USH2A: variants seen among roughly 807,000 people sequenced by gnomAD.
USH2A encodes the protein Usher syndrome 2A (autosomal recessive, mild).
A neutral mutation model predicts 538.9 loss-of-function variants in USH2A; 443 were observed. The observed-to-expected ratio is 0.82, with a 90% CI of 0.76 to 0.89. USH2A has a LOEUF of 0.89. Among genes scored for constraint, USH2A ranks in the 40% least tolerant of loss-of-function variants. The pLI is 0.00. For synonymous variants in USH2A, 2,413 were observed against 2,273.5 expected (o/e 1.06, Z -1.75); for missense variants, 6,633 against 6,324.8 (o/e 1.05, Z -1.65).
intron 3 of USH2A, among the ~76,000 whole-genome samples, chr1:216,413,573 T>C (rs2039528366): frequency 6.6e-6 from 1 of 152,102 alleles, no homozygotes; most frequent in East Asian, 1.9e-4. Flanking sequence ...CTTCATGAAC[T>C]GTGATTATGA....
intron 9 of USH2A, among the ~76,000 whole-genome samples, chr1:216,311,818 A>G (rs1312945301): frequency 1.3e-5 from 2 of 152,074 alleles, no homozygotes; most frequent in Non-Finnish European, 2.9e-5. Context: ...AATAATAATA[A>G]AGTATTCCTA....
chr1:216,051,176 C>A (rs907985944), intron 30 of USH2A, among the ~76,000 whole-genome samples: 1 of 152,150 alleles, frequency 6.6e-6, no homozygotes, highest in African/African-American at 2.4e-5. Context: ...TAAGCCTTAT[C>A]TTTCAGTGAT....
chr1:216,128,823 G>C (rs1216316259), intron 21 of USH2A, among the ~76,000 whole-genome samples: 2 of 151,866 alleles, frequency 1.3e-5, no homozygotes, highest in African/African-American at 4.8e-5. Context: ...ACACTATTTT[G>C]TTACCAAACA....
At chr1:216,269,130 G>A (rs888989246) in intron 11 of USH2A, among the ~76,000 whole-genome samples, 4 of 152,020 alleles carry the variant, frequency 2.6e-5, no homozygotes, top group African/African-American at 9.7e-5. Context: ...TAAAGGTGGT[G>A]CAGTTACCAA....
At chr1:216,235,506 A>G (rs1418359335) in intron 13 of USH2A, among the ~76,000 whole-genome samples, 1 of 152,186 alleles carries the variant, frequency 6.6e-6, no homozygotes, top group African/African-American at 2.4e-5. Flanking sequence ...CAAGTGGAAA[A>G]AAATGTATCA....
intron 12 of USH2A, among the ~76,000 whole-genome samples, chr1:216,247,882 A>G (rs2036083561): frequency 6.6e-6 from 1 of 152,138 alleles, no homozygotes; most frequent in Non-Finnish European, 1.5e-5. Context: ...TCTGCCATAA[A>G]TATATACAAT....
At chr1:215,903,990 T>C in intron 38 of USH2A, among the ~76,000 whole-genome samples, 1 of 152,110 alleles carries the variant, frequency 6.6e-6, no homozygotes, top group East Asian at 1.9e-4. Flanking sequence ...TCATAATTTA[T>C]TTGACATATA....
At position 216,199,978 on chromosome 1, in the gene USH2A, A is replaced by G. The variant is rs1233438184; in HGVS notation, c.3460T>C (p.Leu1154=). 6.2e-7 allele frequency: 1 copy of G among 1,614,026 alleles called. No homozygotes were observed. Among genetic ancestry groups the G allele is most frequent in the South Asian group, 1.1e-5 (1 of 91,072 alleles). The part of the protein sequence containing the change: ...KPGVPEGNLT[L]SYIIPIGSDS... Reference sequence around the variant, plus strand: ...GAGCCAATAGGAATGATATAACTTAAAGTCAAGTTTCCCTCTGGGACCCCT... The same window carrying G: ...GAGCCAATAGGAATGATATAACTTAGAGTCAAGTTTCCCTCTGGGACCCCT... Residue 1154 remains leucine, a synonymous_variant, in exon 17 of 72, where the codon TTA becomes CTA. Transcript: ENST00000307340.
chr1:215,707,820 A>T (rs1015407183), intron 61 of USH2A, among the ~76,000 whole-genome samples: 1 of 152,208 alleles, frequency 6.6e-6, no homozygotes, highest in East Asian at 1.9e-4. Context: ...AGAGAAATAC[A>T]TGGGAACCAA....
At chr1:216,180,900 C>T (rs981950150) in intron 20 of USH2A, among the ~76,000 whole-genome samples, 1 of 152,062 alleles carries the variant, frequency 6.6e-6, no homozygotes, top group Non-Finnish European at 1.5e-5. Context: ...GACCAGGACG[C>T]AAACAAGAAG....
chr1:216,221,279 G>C (rs570080094), intron 14 of USH2A, among the ~76,000 whole-genome samples: 14 of 152,240 alleles, frequency 9.2e-5, no homozygotes, highest in East Asian at 7.7e-4. Context: ...TTAAGAGCTG[G>C]TATCTGTTCA....
chr1:215,648,564 C>T lies in USH2A; in HGVS notation c.14546G>A (p.Trp4849Ter), dbSNP rs1656936749. 1 of 1,614,078 alleles carries T rather than the reference C, an allele frequency of 6.2e-7. No homozygotes were observed. The change falls in exon 66 of 72, where the codon TGG (tryptophan) becomes TAG (stop). Residue 4849 changes from tryptophan to a stop codon, truncating the protein, a stop_gained. Coordinates refer to ENST00000307340, the MANE Select transcript of USH2A (RefSeq NM_206933.4). LOFTEE classifies it high-confidence loss of function. ...ACCATTGGGGAACATGGGGGGACTCCACCGGAAGGAGGCCGTCCTTGAGGC... is the reference window on the plus strand; with the variant it reads ...ACCATTGGGGAACATGGGGGGACTCTACCGGAAGGAGGCCGTCCTTGAGGC... Reference protein sequence around the residue: ...TLASRTASFRWSPPMFPNGVI... With the variant: ...TLASRTASFR
At chr1:216,340,544 A>ACC in intron 4 of USH2A, among the ~76,000 whole-genome samples, 1 of 150,412 alleles carries the variant, frequency 6.6e-6, no homozygotes, top group Non-Finnish European at 1.5e-5. Context: ...GACAAAAAAA[A>ACC]AAAAAAGAAG....
At chr1:215,712,893 C>A (rs1659379982) in intron 61 of USH2A, among the ~76,000 whole-genome samples, 1 of 150,578 alleles carries the variant, frequency 6.6e-6, no homozygotes, top group East Asian at 2.0e-4. Flanking sequence ...GCAACCTCCA[C>A]CTCCTGGGTT....
intron 50 of USH2A, among the ~76,000 whole-genome samples, chr1:215,797,773 G>A (rs368608806): frequency 2.6e-5 from 4 of 152,022 alleles, no homozygotes; most frequent in African/African-American, 9.7e-5. Context: ...GAGCTCTGAT[G>A]GAAATAGACA....
intron 38 of USH2A, among the ~76,000 whole-genome samples, chr1:215,915,017 G>C (rs1665916757): frequency 6.6e-6 from 1 of 152,094 alleles, no homozygotes; most frequent in Non-Finnish European, 1.5e-5. Flanking sequence ...TTAATGCTGG[G>C]CAGTTATTGT....
chr1:215,986,568 A>G (rs1339089123), intron 35 of USH2A, among the ~76,000 whole-genome samples: 2 of 152,178 alleles, frequency 1.3e-5, no homozygotes, highest in Non-Finnish European at 2.9e-5. Flanking sequence ...GCTGTCTTTC[A>G]TTAGGAAATC....
chr1:216,406,904 A>G (rs568459340), intron 3 of USH2A, among the ~76,000 whole-genome samples: 1 of 152,272 alleles, frequency 6.6e-6, no homozygotes, highest in Non-Finnish European at 1.5e-5. Flanking sequence ...AAAACAACCT[A>G]AAATTACCTA....
chr1:215,627,433 C>CTTCCTTCT (rs1558027439), intron 71 of USH2A, among the ~76,000 whole-genome samples: 6 of 74,774 alleles, frequency 8.0e-5, no homozygotes, highest in South Asian at 7.1e-4. Flanking sequence ...TCCTTCCTTC[C>CTTCCTTCT]TTCCTTCCTT....
Sources: gnomAD v4.1 joint callset for allele counts (sites outside exome capture counted in the v4.1 genomes callset) on GRCh38, gnomAD v4.1.1 for gene constraint, MANE v1.5 for transcripts, NCBI Gene and HGNC (gene_info 2026-07-23, HGNC 2026-07-21) for gene names.